Variants in JAM2 observed in about 807,000 individuals in gnomAD.
JAM2 encodes junctional adhesion molecule B.
A neutral mutation model predicts 42.0 loss-of-function variants in JAM2; 17 were observed. That is an observed-to-expected ratio of 0.40 (90% CI 0.28 to 0.61). The LOEUF (loss-of-function observed/expected upper bound fraction) is 0.61. Ranked by LOEUF, JAM2 falls within the 20% of genes least tolerant of loss-of-function variation. The pLI is 0.37. For missense variants in JAM2, 319 were observed against 358.3 expected, an observed-to-expected ratio of 0.89 and a Z score of 0.89; for synonymous variants, 118 against 128.6, an observed-to-expected ratio of 0.92 and a Z score of 0.56.
Position 25,698,810 on chromosome 21 carries a change from A to G in JAM2, c.528A>G (p.Leu176=). The G allele has an allele frequency of 6.2e-7, 1 of 1,614,202 alleles. No individual in the cohort carries two copies. Among genetic ancestry groups the G allele is most frequent in the Non-Finnish European group, 8.5e-7 (1 of 1,180,030 alleles). ...GGTTTAAGGATGGCATCCGTTTGCT[A>G]GAAAATCCCAGACTTGGCTCCCAAA... ...YTWFKDGIRL[L]ENPRLGSQST... The change falls in exon 5 of 10, where the codon CTA becomes CTG. Residue 176 remains leucine, a synonymous_variant. Transcript: ENST00000480456.
Position 25,680,349 on chromosome 21 carries a change from T to C in JAM2, c.68-3534T>C, listed in dbSNP as rs139439813. ...CACTTTGTGGCATAAAGGTGAGAGA[T>C]GGGAAAGAGATGGAAGGAAAAATAC... On this transcript the variant is annotated intron_variant, in intron 1 of 9. Transcript: ENST00000480456. Among the ~76,000 whole-genome samples the C allele has an allele frequency of 5.9e-5, 9 of 152,250 alleles. No individual in the cohort carries two copies. In the East Asian group the frequency reaches 1.5e-3, roughly 26 times the overall value.
chr21:25,655,489 T>TA (rs1236914332), intron 1 of JAM2, among the ~76,000 whole-genome samples: 1 of 149,462 alleles, frequency 6.7e-6, no homozygotes, highest in East Asian at 1.9e-4. Context: ...AGCTCTTTTT[T>TA]TTTTTTTTTG....
chr21:25,692,262 G>T lies in JAM2; in HGVS notation c.242-1494G>T. ...ATTAACAAACAAAGGAAAAGTTGAT[G>T]ACTCTTTGCTAGATGTTGTGGTTGA... On this transcript the variant is annotated intron_variant, in intron 3 of 9. Coordinates refer to ENST00000480456, the MANE Select transcript of JAM2 (RefSeq NM_021219.4). The T allele has an allele frequency of 2.5e-5, 4 of 157,158 alleles. No homozygotes were observed. The South Asian group carries it at 7.6e-4, about 30-fold the overall frequency. The allele number at this position is 157,158 out of a possible 1,614,324, so 9.7% of individuals were successfully genotyped here.
At position 25,698,749 on chromosome 21, in the gene JAM2, A is replaced by G; in HGVS notation, c.467A>G (p.Gln156Arg). 6.2e-7 allele frequency: 1 copy of G among 1,614,166 alleles called. No homozygotes were observed. The highest frequency in any genetic ancestry group is 8.5e-7 in the Non-Finnish European group (1 of 1,180,008). ...LSGTVVELRC[Q>R]DKEGNPAPEY... ...GGAACTGTGGTAGAGCTACGATGTCAAGACAAAGAAGGGAATCCAGCTCCT... is the reference window on the plus strand; with the variant it reads ...GGAACTGTGGTAGAGCTACGATGTCGAGACAAAGAAGGGAATCCAGCTCCT... Residue 156 changes from glutamine (Q) to arginine (R), a missense_variant, in exon 5 of 10, where the codon CAA (glutamine) becomes CGA (arginine). Transcript: ENST00000480456.
chr21:25,640,203 C>G (rs1230845600), intron 1 of JAM2, among the ~76,000 whole-genome samples: 1 of 152,202 alleles, frequency 6.6e-6, no homozygotes, highest in Non-Finnish European at 1.5e-5. Context: ...GACAGAGGGA[C>G]GTGATTCGAA....
chr21:25,654,019 A>G (rs938955016), intron 1 of JAM2, among the ~76,000 whole-genome samples: 4 of 152,232 alleles, frequency 2.6e-5, no homozygotes, highest in African/African-American at 4.8e-5. Context: ...TTTGGTCACC[A>G]TTAGAATTAA....
intron 1 of JAM2, among the ~76,000 whole-genome samples, chr21:25,642,194 A>G (rs1295801382): frequency 6.6e-6 from 1 of 152,010 alleles, no homozygotes; most frequent in South Asian, 2.1e-4. Flanking sequence ...GGAAGTCACT[A>G]CATGCAACCC....
At chr21:25,712,601 T>G (rs527790184) in intron 9 of JAM2, among the ~76,000 whole-genome samples, 2 of 152,230 alleles carry the variant, frequency 1.3e-5, no homozygotes, top group Non-Finnish European at 2.9e-5. Flanking sequence ...AGAAGTGATC[T>G]TTAATCATAT....
intron 1 of JAM2, among the ~76,000 whole-genome samples, chr21:25,681,541 T>C (rs974710107): frequency 6.6e-6 from 1 of 152,106 alleles, no homozygotes; most frequent in African/African-American, 2.4e-5. Context: ...CCACAACACA[T>C]GGGGATTATG....
At chr21:25,653,965 G>A (rs2032853456) in intron 1 of JAM2, among the ~76,000 whole-genome samples, 2 of 152,112 alleles carry the variant, frequency 1.3e-5, no homozygotes, top group Non-Finnish European at 2.9e-5. Flanking sequence ...TAATTATAAA[G>A]ATACAAAAAA....
intron 9 of JAM2, among the ~76,000 whole-genome samples, chr21:25,714,022 T>C (rs984352447): frequency 4.6e-5 from 7 of 152,250 alleles, no homozygotes; most frequent in African/African-American, 1.4e-4. Context: ...TGTAAGGTGC[T>C]GTCCTGTACA....
chr21:25,714,557 A>T, intron 9 of JAM2, 83 bp from the exon 10 acceptor site: 1 of 897,148 alleles, frequency 1.1e-6, no homozygotes, highest in Middle Eastern at 3.3e-4. Flanking sequence ...TCTTACAATA[A>T]ATATAGCTTG....
In JAM2 at chr21:25,670,590, C is replaced by T. The variant is rs9977859; in HGVS notation, c.68-13293C>T. On this transcript the variant is annotated intron_variant, in intron 1 of 9. Coordinates refer to ENST00000480456, the MANE Select transcript of JAM2 (RefSeq NM_021219.4). ...AAGGTCCCACTGATTTTAATGTGTG[C>T]AGATATTCACTAAATTATTTATTTT... Among the ~76,000 whole-genome samples, 567 of 152,242 alleles carry T rather than the reference C, an allele frequency of 3.7e-3. 3 individuals carry two copies. Among genetic ancestry groups the T allele is most frequent in the African/African-American group, 0.013 (543 of 41,532 alleles).
intron 1 of JAM2, among the ~76,000 whole-genome samples, chr21:25,658,321 TTA>T (rs200494621): frequency 1.3e-5 from 2 of 151,828 alleles, no homozygotes; most frequent in African/African-American, 4.8e-5. Flanking sequence ...AAGGAATTAT[TTA>T]TATATATATA....
chr21:25,665,114 G>A (rs1256218286), intron 1 of JAM2, among the ~76,000 whole-genome samples: 1 of 152,196 alleles, frequency 6.6e-6, no homozygotes, highest in African/African-American at 2.4e-5. Flanking sequence ...AGACTTAAGA[G>A]GGGTCTTGAG....
chr21:25,694,997 T>G (rs1180695050), intron 4 of JAM2, among the ~76,000 whole-genome samples: 1 of 151,018 alleles, frequency 6.6e-6, no homozygotes, highest in African/African-American at 2.4e-5. Flanking sequence ...TTTTTTAGTA[T>G]TTATTGATCA....
At position 25,661,707 on chromosome 21, in the gene JAM2, A is replaced by T. The variant is rs942375379; in HGVS notation, c.67+21819A>T. 3.3e-5 allele frequency among the ~76,000 whole-genome samples: 5 copies of T among 152,190 alleles called. No homozygotes were observed. The South Asian group carries it at 1.0e-3, about 31-fold the overall frequency. On this transcript the variant is annotated intron_variant, in intron 1 of 9. Transcript: ENST00000480456. ...GATAATAAAGGAGGCATCAAAATTT[A>T]TTATAAAATGAGGGTCTGATAGTGT...
At position 25,694,688 on chromosome 21, in the gene JAM2, T is replaced by A. The variant is rs945874306; in HGVS notation, c.394+780T>A. Among the ~76,000 whole-genome samples, 4 of 151,698 alleles carry A rather than the reference T, an allele frequency of 2.6e-5. No homozygotes were observed. In the East Asian group the frequency reaches 5.8e-4, roughly 22 times the overall value. On this transcript the variant is annotated intron_variant, in intron 4 of 9. Transcript: ENST00000480456. ...ATCGCTCTCTCTAAAAAAAAATAAA[T>A]AAAAAGCCATTTGTGTTGTTATGCA...
At chr21:25,646,689 G>A (rs549635908) in intron 1 of JAM2, among the ~76,000 whole-genome samples, 1 of 152,158 alleles carries the variant, frequency 6.6e-6, no homozygotes, top group Non-Finnish European at 1.5e-5. Context: ...TCAGGCCAGT[G>A]AATGGGTAGG....
Sources: allele counts gnomAD v4.1 joint callset (sites outside exome capture counted in the v4.1 genomes callset), GRCh38; gene constraint gnomAD v4.1.1; transcripts MANE v1.5; gene names NCBI Gene and HGNC (gene_info 2026-07-23, HGNC 2026-07-21).